Variants in FOXP1 observed in about 807,000 individuals in gnomAD.
FOXP1 encodes forkhead box P1, also known as forkhead box protein P1.
FOXP1 carries 15 observed loss-of-function variants against 98.2 expected under a neutral mutation model. That is an observed-to-expected ratio of 0.15 (90% CI 0.10 to 0.24). FOXP1 has a LOEUF of 0.24. FOXP1 is among the 10% of genes least tolerant of loss of function. The pLI, the probability that FOXP1 is intolerant of heterozygous loss-of-function variation, is 1.00. For missense variants in FOXP1, 633 were observed against 848.5 expected (o/e 0.75, Z 3.15); for synonymous variants, 371 against 314.5 (o/e 1.18, Z -1.90).
At chr3:71,447,590 G>C (rs190690268) in intron 3 of FOXP1, among the ~76,000 whole-genome samples, 1 of 152,324 alleles carries the variant, frequency 6.6e-6, no homozygotes, top group East Asian at 1.9e-4. Flanking sequence ...CAGAAACTGA[G>C]AGGACCCACT....
intron 3 of FOXP1, chr3:71,360,377 A>G (rs1653953): frequency 0.99 from 150,233 of 152,262 alleles, 74,167 homozygotes; most frequent in East Asian, 1. Flanking sequence ...TTCAAATGCA[A>G]AAGGAGACTG....
intron 12 of FOXP1, 38 bp from the exon 13 acceptor site, chr3:71,001,097 G>A (rs1163065313): frequency 1.3e-6 from 2 of 1,482,400 alleles, no homozygotes; most frequent in Non-Finnish European, 1.9e-6. Context: ...GTGAAATGGA[G>A]AAACAAAAAG....
At chr3:71,193,970 CCTT>C (rs2063154307) in intron 6 of FOXP1, among the ~76,000 whole-genome samples, 2 of 152,206 alleles carry the variant, frequency 1.3e-5, no homozygotes, top group South Asian at 2.1e-4. Context: ...CATTTTCTCT[CCTT>C]CTTTTACATT....
intron 12 of FOXP1, among the ~76,000 whole-genome samples, chr3:71,007,209 T>C (rs1349103273): frequency 1.3e-5 from 2 of 152,136 alleles, no homozygotes; most frequent in Admixed American, 1.3e-4. Context: ...AATATACAGC[T>C]CATTTTGCAA....
intron 6 of FOXP1, among the ~76,000 whole-genome samples, chr3:71,191,164 T>C (rs2108338000): frequency 6.6e-6 from 1 of 152,360 alleles, no homozygotes; most frequent in Admixed American, 6.5e-5. Flanking sequence ...CACTAGTTGT[T>C]GATAAACGCA....
intron 2 of FOXP1, among the ~76,000 whole-genome samples, chr3:71,546,949 GA>G (rs1201342894): frequency 1.3e-5 from 2 of 152,164 alleles, no homozygotes; most frequent in Non-Finnish European, 2.9e-5. Context: ...GAAGGGGAGA[GA>G]GACAGAGACA....
At chr3:71,032,745 G>A (rs1233440070) in intron 11 of FOXP1, among the ~76,000 whole-genome samples, 1 of 152,150 alleles carries the variant, frequency 6.6e-6, no homozygotes, top group Non-Finnish European at 1.5e-5. Flanking sequence ...TCTTGAAAAG[G>A]AACATGACAT....
At chr3:71,410,917 G>T (rs2082679472) in intron 3 of FOXP1, among the ~76,000 whole-genome samples, 1 of 152,178 alleles carries the variant, frequency 6.6e-6, no homozygotes, top group African/African-American at 2.4e-5. Flanking sequence ...GTTAGAAGCT[G>T]ACTAGAGGTA....
At position 71,079,580 on chromosome 3, in the gene FOXP1, A is replaced by T. The variant is rs762535432; in HGVS notation, c.283-25807T>A. Among the ~76,000 whole-genome samples the T allele has an allele frequency of 2.0e-5, 3 of 152,162 alleles. 1 individual carries two copies. The highest frequency in any genetic ancestry group is 1.5e-5 in the Non-Finnish European group (1 of 68,026). On this transcript the variant is annotated intron_variant, in intron 7 of 20. Transcript: ENST00000649528. ...TGTGATCAGTTTTCTAAATGTGTGCACTCCAATGTTTCACAACATCTAAAC... is the reference window on the plus strand; with the variant it reads ...TGTGATCAGTTTTCTAAATGTGTGCTCTCCAATGTTTCACAACATCTAAAC...
At chr3:71,583,913 G>A, upstream of FOXP1, 1 of 975,034 alleles carries the variant, frequency 1.0e-6, no homozygotes, top group South Asian at 4.7e-5. Context: ...CACGCACCCC[G>A]CTGGGCACTC....
intron 5 of FOXP1, among the ~76,000 whole-genome samples, chr3:71,281,187 G>A (rs1337506765): frequency 1.3e-5 from 2 of 151,560 alleles, no homozygotes; most frequent in African/African-American, 2.4e-5. Context: ...CTATGATCAT[G>A]TCACTGTACT....
At chr3:71,309,762 T>A (rs1005618949) in intron 4 of FOXP1, among the ~76,000 whole-genome samples, 1 of 152,172 alleles carries the variant, frequency 6.6e-6, no homozygotes, top group Non-Finnish European at 1.5e-5. Flanking sequence ...CGTTATCTGT[T>A]CAGAGTGGGA....
At chr3:71,112,186 G>A (rs1237080761) in intron 7 of FOXP1, among the ~76,000 whole-genome samples, 1 of 152,150 alleles carries the variant, frequency 6.6e-6, no homozygotes, top group Non-Finnish European at 1.5e-5. Context: ...GTGTGTGTCT[G>A]TGTGTGTTTA....
At chr3:71,241,308 A>G (rs1220527774) in intron 5 of FOXP1, among the ~76,000 whole-genome samples, 1 of 152,184 alleles carries the variant, frequency 6.6e-6, no homozygotes, top group Non-Finnish European at 1.5e-5. Context: ...TGAAAGCAAC[A>G]CAATTTGTGA....
At chr3:71,248,218 C>A (rs1301947363) in intron 5 of FOXP1, among the ~76,000 whole-genome samples, 1 of 152,212 alleles carries the variant, frequency 6.6e-6, no homozygotes, top group Non-Finnish European at 1.5e-5. Context: ...CTCTCCTACT[C>A]TACAATATAT....
intron 3 of FOXP1, among the ~76,000 whole-genome samples, chr3:71,460,735 G>T (rs945466744): frequency 6.6e-6 from 1 of 152,098 alleles, no homozygotes; most frequent in Non-Finnish European, 1.5e-5. Context: ...TACCGCGCCT[G>T]GCCTAATTTT....
At chr3:70,983,389 A>C (rs530831574) in intron 14 of FOXP1, among the ~76,000 whole-genome samples, 3 of 152,310 alleles carry the variant, frequency 2.0e-5, no homozygotes, top group East Asian at 3.9e-4. Flanking sequence ...CCAACTCTAA[A>C]GCAAGGACCC....
At chr3:71,299,612 A>G (rs1201271412) in intron 5 of FOXP1, among the ~76,000 whole-genome samples, 1 of 152,208 alleles carries the variant, frequency 6.6e-6, no homozygotes, top group African/African-American at 2.4e-5. Flanking sequence ...GTTTGATAAT[A>G]TTTGGGGGGG....
chr3:71,247,343 C>T (rs146101350), intron 5 of FOXP1, among the ~76,000 whole-genome samples: 151 of 152,288 alleles, frequency 9.9e-4, no homozygotes, highest in Middle Eastern at 3.4e-3. Context: ...CGACCTTCTG[C>T]CTGGAATGTG....
Sources: allele counts gnomAD v4.1 joint callset (sites outside exome capture counted in the v4.1 genomes callset), GRCh38; gene constraint gnomAD v4.1.1; transcripts MANE v1.5; gene names NCBI Gene and HGNC (gene_info 2026-07-23, HGNC 2026-07-21).